Variants in CNTLN observed in about 807,000 individuals in gnomAD.
The protein encoded by CNTLN is centlein, centrosomal protein.
Under a neutral mutation model 180.0 loss-of-function variants are expected in CNTLN, and 212 were observed. The ratio of observed to expected loss-of-function variants is 1.18; its 90% CI spans 1.05 to 1.32. The LOEUF is 1.32. Among genes scored for constraint, CNTLN ranks in the 40% most tolerant of loss-of-function variants. The pLI, the probability that CNTLN is intolerant of heterozygous loss-of-function variation, is 0.00. For missense variants in CNTLN, 2,095 were observed against 1,610.9 expected, an observed-to-expected ratio of 1.30 and a Z score of -5.14; for synonymous variants, 722 against 563.1, an observed-to-expected ratio of 1.28 and a Z score of -3.99.
At chr9:17,452,475 A>T (rs1019405291) in intron 18 of CNTLN, among the ~76,000 whole-genome samples, 2 of 152,184 alleles carry the variant, frequency 1.3e-5, no homozygotes, top group Non-Finnish European at 2.9e-5. Context: ...GGGGAGGGAA[A>T]CAAGCTCTAG....
intron 25 of CNTLN, among the ~76,000 whole-genome samples, chr9:17,491,137 A>G (rs907810188): frequency 6.6e-6 from 1 of 152,142 alleles, no homozygotes; most frequent in Non-Finnish European, 1.5e-5. Context: ...GGCCTTTATG[A>G]TACCCAAAAC....
chr9:17,376,035 G>A (rs556547718), intron 13 of CNTLN, among the ~76,000 whole-genome samples: 1 of 152,264 alleles, frequency 6.6e-6, no homozygotes, highest in East Asian at 1.9e-4. Context: ...CCCAGTTACT[G>A]TTGTTGCTCC....
At chr9:17,308,382 A>G (rs958401532) in intron 7 of CNTLN, among the ~76,000 whole-genome samples, 10 of 152,196 alleles carry the variant, frequency 6.6e-5, no homozygotes, top group African/African-American at 2.4e-4. Flanking sequence ...TTAATCCAGT[A>G]TTGAAGAGCC....
At chr9:17,168,687 T>G (rs1028923281) in intron 2 of CNTLN, 1 of 152,234 alleles carries the variant, frequency 6.6e-6, no homozygotes, top group Non-Finnish European at 1.5e-5. Flanking sequence ...ATGTCCTGTA[T>G]AGCAACATTT....
intron 14 of CNTLN, among the ~76,000 whole-genome samples, chr9:17,391,864 C>A (rs2133698021): frequency 6.6e-6 from 1 of 152,112 alleles, no homozygotes; most frequent in East Asian, 1.9e-4. Context: ...ATACTCCCAA[C>A]AAAACTGCAA....
At chr9:17,509,146 C>G in the CNTLN span, among the ~76,000 whole-genome samples, 2 of 152,176 alleles carry the variant, frequency 1.3e-5, no homozygotes, top group Non-Finnish European at 2.9e-5. Context: ...GGCATATGCT[C>G]AGAAGCAGGA....
At chr9:17,152,056 C>T (rs907527507) in intron 2 of CNTLN, among the ~76,000 whole-genome samples, 1 of 151,926 alleles carries the variant, frequency 6.6e-6, no homozygotes, top group African/African-American at 2.4e-5. Context: ...TTGCTTTTCT[C>T]CTTTATTAGT....
chr9:17,271,412 T>C (rs1260579699), intron 5 of CNTLN, among the ~76,000 whole-genome samples: 2 of 152,186 alleles, frequency 1.3e-5, no homozygotes, highest in East Asian at 3.9e-4. Flanking sequence ...CTTCGTTTTC[T>C]TTCTTTCTTT....
At chr9:17,143,007 G>C (rs888322166) in intron 1 of CNTLN, among the ~76,000 whole-genome samples, 1 of 152,172 alleles carries the variant, frequency 6.6e-6, no homozygotes, top group African/African-American at 2.4e-5. Flanking sequence ...TGGGGCAGCA[G>C]GGAGGGAAGT....
chr9:17,463,937 TAGCAGC>T (rs5896744), intron 20 of CNTLN, among the ~76,000 whole-genome samples: 3 of 150,830 alleles, frequency 2.0e-5, no homozygotes, highest in South Asian at 2.1e-4. Flanking sequence ...GTTTTAGTAG[TAGCAGC>T]AGCAGCAGCA....
intron 25 of CNTLN, among the ~76,000 whole-genome samples, chr9:17,497,119 G>T (rs1833497409): frequency 6.6e-6 from 1 of 152,110 alleles, no homozygotes; most frequent in African/African-American, 2.4e-5. Flanking sequence ...TGGTATCATT[G>T]CCCAAAGCAT....
At chr9:17,402,506 C>T (rs917853250) in intron 15 of CNTLN, among the ~76,000 whole-genome samples, 3 of 151,750 alleles carry the variant, frequency 2.0e-5, no homozygotes, top group Non-Finnish European at 2.9e-5. Context: ...GGACAGTAGC[C>T]CCCTCTGTTG....
At chr9:17,203,838 T>G (rs932735576) in intron 2 of CNTLN, among the ~76,000 whole-genome samples, 1 of 152,226 alleles carries the variant, frequency 6.6e-6, no homozygotes, top group Non-Finnish European at 1.5e-5. Context: ...ATTACAGGCT[T>G]GAGCCACCGC....
At chr9:17,399,933 C>G (rs935294718) in intron 15 of CNTLN, among the ~76,000 whole-genome samples, 1 of 152,144 alleles carries the variant, frequency 6.6e-6, no homozygotes, top group East Asian at 1.9e-4. Flanking sequence ...TTTCCCATGA[C>G]TTTCTATTTT....
Position 17,148,136 on chromosome 9 carries a change from A to G in CNTLN, c.449+4760A>G, listed in dbSNP as rs557181733. Reference sequence around the variant, plus strand: ...TACCCATCACTCACCTTGAACAGTTATCAACACACGGACAATCTTGTTTCA... The same window carrying G: ...TACCCATCACTCACCTTGAACAGTTGTCAACACACGGACAATCTTGTTTCA... On this transcript the variant is annotated intron_variant, in intron 2 of 25. Transcript: ENST00000380647. Among the ~76,000 whole-genome samples, 9 of 152,328 alleles carry G rather than the reference A, an allele frequency of 5.9e-5. No homozygotes were observed. In the South Asian group the frequency reaches 1.7e-3, roughly 28 times the overall value.
chr9:17,159,514 A>C (rs1819532379), intron 2 of CNTLN, among the ~76,000 whole-genome samples: 1 of 152,156 alleles, frequency 6.6e-6, no homozygotes, highest in African/African-American at 2.4e-5. Context: ...GCTGCACCCA[A>C]AGTAGAGCCT....
chr9:17,459,886 TA>T, intron 19 of CNTLN, among the ~76,000 whole-genome samples: 1 of 151,884 alleles, frequency 6.6e-6, no homozygotes, highest in East Asian at 1.9e-4. Flanking sequence ...AGTCACATTC[TA>T]AAGTACTGAG....
chr9:17,212,027 C>G (rs1322922517), intron 2 of CNTLN, among the ~76,000 whole-genome samples: 6 of 152,126 alleles, frequency 3.9e-5, no homozygotes, highest in Non-Finnish European at 8.8e-5. Context: ...TCCTCTTTTC[C>G]TAATTGAATA....
the CNTLN span, among the ~76,000 whole-genome samples, chr9:17,522,670 C>T: frequency 6.6e-6 from 1 of 152,134 alleles, no homozygotes; most frequent in Admixed American, 6.5e-5. Flanking sequence ...CCTGCCTTCC[C>T]TCCAAGGTAC....
Sources: allele counts gnomAD v4.1 joint callset (sites outside exome capture counted in the v4.1 genomes callset), GRCh38; gene constraint gnomAD v4.1.1; transcripts MANE v1.5; gene names NCBI Gene and HGNC (gene_info 2026-07-23, HGNC 2026-07-21).